The following SETBP1 variants were observed in gnomAD, a reference collection of about 807,000 sequenced individuals.
SETBP1 encodes SET-binding protein.
Under a neutral mutation model 101.0 loss-of-function variants are expected in SETBP1, and 9 were observed. The ratio of observed to expected loss-of-function variants is 0.09; its 90% CI spans 0.05 to 0.16. SETBP1 has a LOEUF of 0.16. Among genes scored for constraint, SETBP1 ranks in the 10% least tolerant of loss-of-function variants. The pLI is 1.00. For synonymous variants in SETBP1, 818 were observed against 788.5 expected (o/e 1.04, Z -0.63); for missense variants, 1,858 against 2,033.8 (o/e 0.91, Z 1.66).
At position 44,866,297 on chromosome 18, in the gene SETBP1, T is replaced by G. The variant is rs931462505; in HGVS notation, c.487-2933T>G. ...CACAGGAAACATGCTAGGCGCTGAG[T>G]GCTGTTTCCTTTTGTTGGCTTGGAA... On this transcript the variant is annotated intron_variant, in intron 2 of 5. Coordinates refer to ENST00000649279, the MANE Select transcript of SETBP1 (RefSeq NM_015559.3). 2.6e-5 allele frequency among the ~76,000 whole-genome samples: 4 copies of G among 152,216 alleles called. No individual in the cohort carries two copies. The East Asian group carries it at 7.7e-4, about 29-fold the overall frequency.
At chr18:45,061,167 G>T (rs1052037442) in intron 5 of SETBP1, among the ~76,000 whole-genome samples, 1 of 152,186 alleles carries the variant, frequency 6.6e-6, no homozygotes, top group Non-Finnish European at 1.5e-5. Context: ...ATCTGTCACT[G>T]ACATGAAGGT....
chr18:44,740,775 C>T (rs962194158), intron 2 of SETBP1, among the ~76,000 whole-genome samples: 1 of 152,154 alleles, frequency 6.6e-6, no homozygotes, highest in Non-Finnish European at 1.5e-5. Context: ...AGGGTGAGTA[C>T]AAGTTGTTTG....
intron 3 of SETBP1, among the ~76,000 whole-genome samples, chr18:44,880,219 T>A (rs1318856691): frequency 6.6e-6 from 1 of 152,146 alleles, no homozygotes; most frequent in African/African-American, 2.4e-5. Flanking sequence ...AAGAGATGAT[T>A]CAAGAAGCAC....
chr18:44,822,782 C>T (rs1599176038), intron 2 of SETBP1, among the ~76,000 whole-genome samples: 1 of 152,354 alleles, frequency 6.6e-6, no homozygotes, highest in East Asian at 1.9e-4. Flanking sequence ...TGCCCCCAAT[C>T]TCACCTCCCC....
At chr18:44,771,104 C>T (rs2070862469) in intron 2 of SETBP1, among the ~76,000 whole-genome samples, 1 of 151,758 alleles carries the variant, frequency 6.6e-6, no homozygotes, top group South Asian at 2.1e-4. Context: ...TTGCTGGCTG[C>T]ATCAGAATTA....
intron 4 of SETBP1, among the ~76,000 whole-genome samples, chr18:45,019,195 A>T (rs1599455431): frequency 1.3e-5 from 2 of 152,306 alleles, no homozygotes; most frequent in East Asian, 3.9e-4. Flanking sequence ...TGATGATTTT[A>T]AAAATGGTAC....
At chr18:44,970,573 C>A (rs1437383164) in intron 4 of SETBP1, among the ~76,000 whole-genome samples, 1 of 151,116 alleles carries the variant, frequency 6.6e-6, no homozygotes, top group Non-Finnish European at 1.5e-5. Flanking sequence ...TTTTTTGGAA[C>A]AGAGTGTTGC....
rs186578853 is a variant in SETBP1, at chr18:44,893,788, C to A, written c.540+24505C>A. 1.1e-4 allele frequency among the ~76,000 whole-genome samples: 16 copies of A among 152,142 alleles called. No individual in the cohort carries two copies. The East Asian group carries it at 2.7e-3, about 26-fold the overall frequency. On this transcript the variant is annotated intron_variant, in intron 3 of 5. Coordinates refer to ENST00000649279, the MANE Select transcript of SETBP1 (RefSeq NM_015559.3). ...TAAGTGCAAATTTTGTTTCTTTAAA[C>A]TCTTATTTTAACATGTGTAAAATGC...
rs1362849781 is a variant in SETBP1, at chr18:45,066,516, C to G, written c.*2818C>G. 1 of 152,192 alleles carries G rather than the reference C, an allele frequency of 6.6e-6. No individual in the cohort carries two copies. The highest frequency in any genetic ancestry group is 1.5e-5 in the Non-Finnish European group (1 of 68,116). 9.4% of individuals were successfully genotyped at this position (152,192 alleles called of 1,614,324 possible). On this transcript the variant is annotated 3_prime_UTR_variant, in exon 6 of 6. Transcript: ENST00000649279. ...CATTTTCTTATTCTCTAACTACCCC[C>G]AATTCCTTTAGCCTCTCCCCACCTG...
intron 4 of SETBP1, among the ~76,000 whole-genome samples, chr18:45,009,989 C>A (rs932230610): frequency 1.3e-5 from 2 of 152,184 alleles, no homozygotes; most frequent in African/African-American, 4.8e-5. Flanking sequence ...TGCCTGTTAA[C>A]CACAGTTCCT....
chr18:44,870,557 AC>A (rs1201802350), intron 3 of SETBP1: 1 of 152,054 alleles, frequency 6.6e-6, no homozygotes, highest in Admixed American at 6.5e-5. Context: ...ACCACTGAAA[AC>A]CTTTAATTAA....
chr18:44,903,274 G>A (rs563979452), intron 3 of SETBP1, among the ~76,000 whole-genome samples: 60 of 152,036 alleles, frequency 3.9e-4, no homozygotes, highest in Non-Finnish European at 7.2e-4. Context: ...ACTTACTCTG[G>A]GCAGTGCCTC....
chr18:44,876,988 G>C, intron 3 of SETBP1: 1 of 1,224,982 alleles, frequency 8.2e-7, no homozygotes, highest in Non-Finnish European at 1.0e-6. Flanking sequence ...AGCATTCACT[G>C]TCTTCCAGGG....
intron 1 of SETBP1, among the ~76,000 whole-genome samples, chr18:44,692,696 C>A (rs2068955072): frequency 6.6e-6 from 1 of 152,078 alleles, no homozygotes. Context: ...CATGTGTATG[C>A]AGGAAGAGGT....
At chr18:44,921,382 C>T (rs1370601143) in intron 3 of SETBP1, among the ~76,000 whole-genome samples, 1 of 152,142 alleles carries the variant, frequency 6.6e-6, no homozygotes, top group Non-Finnish European at 1.5e-5. Context: ...GCCTTATGAG[C>T]CCTGAGCAGG....
intron 4 of SETBP1, among the ~76,000 whole-genome samples, chr18:45,038,141 C>T (rs1021241886): frequency 6.6e-6 from 1 of 152,168 alleles, no homozygotes; most frequent in Non-Finnish European, 1.5e-5. Context: ...ACTCTGAACT[C>T]CCCTTCATGC....
At chr18:45,058,792 C>T (rs897696207) in intron 5 of SETBP1, among the ~76,000 whole-genome samples, 1 of 152,162 alleles carries the variant, frequency 6.6e-6, no homozygotes, top group Admixed American at 6.5e-5. Flanking sequence ...ATGCCTGATG[C>T]CATCAATGGA....
At chr18:44,957,779 A>C (rs1017965371) in intron 4 of SETBP1, among the ~76,000 whole-genome samples, 1 of 152,246 alleles carries the variant, frequency 6.6e-6, no homozygotes, top group Non-Finnish European at 1.5e-5. Flanking sequence ...CATGAAAACT[A>C]TACAAAGGAA....
At chr18:44,744,978 T>C (rs1407818342) in intron 2 of SETBP1, among the ~76,000 whole-genome samples, 1 of 152,006 alleles carries the variant, frequency 6.6e-6, no homozygotes, top group Non-Finnish European at 1.5e-5. Flanking sequence ...TATGCGCGTC[T>C]GGGGCTGGCG....
Sources: gnomAD v4.1 joint callset for allele counts (sites outside exome capture counted in the v4.1 genomes callset) on GRCh38, gnomAD v4.1.1 for gene constraint, MANE v1.5 for transcripts, NCBI Gene and HGNC (gene_info 2026-07-23, HGNC 2026-07-21) for gene names.